TSGA10: variants seen among roughly 807,000 people sequenced by gnomAD.
TSGA10 encodes the protein testis specific 10, also known as testis-specific gene 10 protein.
TSGA10 carries 43 observed loss-of-function variants against 96.6 expected under a neutral mutation model. The ratio of observed to expected loss-of-function variants is 0.44; its 90% CI spans 0.35 to 0.57. TSGA10 has a LOEUF of 0.57. Among genes scored for constraint, TSGA10 ranks in the 20% least tolerant of loss-of-function variants. The pLI is 0.01. For missense variants in TSGA10, 703 were observed against 834.4 expected, an observed-to-expected ratio of 0.84 and a Z score of 1.94; for synonymous variants, 229 against 269.9, an observed-to-expected ratio of 0.85 and a Z score of 1.48.
At chr2:99,113,801 C>A (rs535148450) in intron 4 of TSGA10, among the ~76,000 whole-genome samples, 1 of 152,234 alleles carries the variant, frequency 6.6e-6, no homozygotes, top group East Asian at 1.9e-4. Flanking sequence ...CCTGCCTTGG[C>A]CTCCCAAAGT....
Position 99,065,143 on chromosome 2 carries a change from CTATTACTT to C in TSGA10, c.1219-27_1219-20del. The C allele has an allele frequency of 6.2e-7, 1 of 1,606,556 alleles. No individual in the cohort carries two copies. Among genetic ancestry groups the C allele is most frequent in the Non-Finnish European group, 8.5e-7 (1 of 1,177,604 alleles). ...CAGATTCCTGAAAAGCAAACTTTAG[CTATTACTT>C]TAAAATGCTGAACATATGATAAAAA... On this transcript the variant is annotated intron_variant, in intron 15 of 20. Coordinates refer to ENST00000393483, the MANE Select transcript of TSGA10 (RefSeq NM_025244.4).
At chr2:99,056,168 G>A (rs940249073) in intron 16 of TSGA10, among the ~76,000 whole-genome samples, 1 of 151,662 alleles carries the variant, frequency 6.6e-6, no homozygotes, top group Non-Finnish European at 1.5e-5. Context: ...TCACGCCACT[G>A]CACTCCAGCC....
chr2:99,135,985 G>A (rs1275060312), intron 1 of TSGA10, among the ~76,000 whole-genome samples: 2 of 144,152 alleles, frequency 1.4e-5, no homozygotes, highest in Non-Finnish European at 3.0e-5. Context: ...CTCCAGCCTG[G>A]GGGACAAGAG....
chr2:99,071,858 G>C lies in TSGA10; in HGVS notation c.955C>G (p.Leu319Val). The change falls in exon 14 of 21, where the codon CTA becomes GTA. Residue 319 changes from leucine to valine, a missense_variant. By Grantham distance (32) the Leu-to-Val change is conservative. Transcript: ENST00000393483. ...EQASRQCTEALIVCEQDVSRM... is the reference protein window; with the variant it reads ...EQASRQCTEAVIVCEQDVSRM... ...GAAACGTCTTGTTCACACACAATTAGGGCCTCAGTACACTGTCTATTCCAC... is the reference window on the plus strand; with the variant it reads ...GAAACGTCTTGTTCACACACAATTACGGCCTCAGTACACTGTCTATTCCAC... 1 of 1,613,656 alleles carries C rather than the reference G, an allele frequency of 6.2e-7. No individual in the cohort carries two copies. The highest frequency in any genetic ancestry group is 8.5e-7 in the Non-Finnish European group (1 of 1,179,780).
intron 10 of TSGA10, among the ~76,000 whole-genome samples, chr2:99,093,837 A>G (rs903432737): frequency 2.0e-5 from 3 of 152,076 alleles, no homozygotes; most frequent in African/African-American, 2.4e-5. Flanking sequence ...CAAAAGCAAT[A>G]TACAAATTCA....
intron 1 of TSGA10, among the ~76,000 whole-genome samples, chr2:99,134,079 G>A (rs868259379): frequency 3.3e-5 from 5 of 152,084 alleles, no homozygotes; most frequent in East Asian, 1.9e-4. Flanking sequence ...TGCTCTTCTC[G>A]AGGAGTATCT....
At chr2:99,009,151 T>C (rs1054571445) in intron 20 of TSGA10, among the ~76,000 whole-genome samples, 5 of 151,920 alleles carry the variant, frequency 3.3e-5, no homozygotes, top group African/African-American at 7.3e-5. Flanking sequence ...AGTGGAAATA[T>C]GAAAAATGAA....
chr2:99,009,571 CAAAAAAAAAAAAAA>C (rs765452742), intron 20 of TSGA10, among the ~76,000 whole-genome samples: 1 of 45,434 alleles, frequency 2.2e-5, no homozygotes, highest in Admixed American at 2.8e-4. Flanking sequence ...GACCCTGTCT[CAAAAAAAAAAAAAA>C]AAAAAAAAAA....
chr2:99,028,095 A>T (rs1207036218), intron 17 of TSGA10, among the ~76,000 whole-genome samples: 2 of 152,082 alleles, frequency 1.3e-5, no homozygotes, highest in African/African-American at 4.8e-5. Flanking sequence ...TCCCGCTAGG[A>T]TGCAATGGAT....
intron 16 of TSGA10, among the ~76,000 whole-genome samples, chr2:99,059,359 G>C (rs918479653): frequency 2.6e-5 from 4 of 151,948 alleles, no homozygotes; most frequent in Non-Finnish European, 5.9e-5. Flanking sequence ...CTTAGGCCAG[G>C]CATGGTGGCT....
rs146185153 is a variant in TSGA10, at chr2:99,002,419, A to G, written c.2073-4198T>C. 8.0e-3 allele frequency among the ~76,000 whole-genome samples: 1,214 copies of G among 152,346 alleles called. 20 individuals carry two copies. The highest frequency in any genetic ancestry group is 0.028 in the African/African-American group (1,147 of 41,572). On this transcript the variant is annotated intron_variant, in intron 20 of 20. Coordinates refer to ENST00000393483, the MANE Select transcript of TSGA10 (RefSeq NM_025244.4). ...AAGTGAAGGAGAAATAAAATACTTT[A>G]CAGACAAACAGATGCTGAGAGATGT...
chr2:99,006,515 A>G lies in TSGA10; in HGVS notation c.2073-8294T>C, dbSNP rs1361616477. Among the ~76,000 whole-genome samples, 3 of 152,254 alleles carry G rather than the reference A, an allele frequency of 2.0e-5. No homozygotes were observed. In the South Asian group the frequency reaches 6.2e-4, roughly 31 times the overall value. On this transcript the variant is annotated intron_variant, in intron 20 of 20. Coordinates refer to ENST00000393483, the MANE Select transcript of TSGA10 (RefSeq NM_025244.4). ...GAACAGATACTTCTCAAAAGAAGAC[A>G]TTTATGCAGCCAAAAGACACATGAA...
chr2:99,105,963 G>A (rs1171140782), intron 7 of TSGA10, among the ~76,000 whole-genome samples: 1 of 152,158 alleles, frequency 6.6e-6, no homozygotes, highest in Non-Finnish European at 1.5e-5. Context: ...GTTTTGCTAA[G>A]AAATATATTT....
intron 9 of TSGA10, among the ~76,000 whole-genome samples, chr2:99,104,834 T>C (rs115660594): frequency 2.7e-3 from 411 of 152,318 alleles, no homozygotes; most frequent in African/African-American, 9.4e-3. Context: ...ATAAATATAT[T>C]CAATTATATT....
chr2:99,138,942 G>C (rs1037763814), intron 1 of TSGA10, among the ~76,000 whole-genome samples: 6 of 152,112 alleles, frequency 3.9e-5, no homozygotes, highest in Non-Finnish European at 5.9e-5. Flanking sequence ...AAGATGTATT[G>C]CCCCGACACA....
intron 10 of TSGA10, among the ~76,000 whole-genome samples, chr2:99,099,164 T>C (rs2090424337): frequency 6.6e-6 from 1 of 151,962 alleles, no homozygotes; most frequent in African/African-American, 2.4e-5. Flanking sequence ...AATACAAAAT[T>C]AGCTGGGGGT....
intron 20 of TSGA10, among the ~76,000 whole-genome samples, chr2:99,017,572 C>T (rs916559174): frequency 6.6e-6 from 1 of 151,676 alleles, no homozygotes; most frequent in Middle Eastern, 3.4e-3. Context: ...GAGACCATCC[C>T]GGCTAAAACG....
chr2:99,141,617 A>C (rs1471610560), intron 1 of TSGA10: 2 of 152,708 alleles, frequency 1.3e-5, no homozygotes, highest in East Asian at 1.9e-4. Context: ...TCTCCTAGTA[A>C]CCAGCCGCTA....
intron 16 of TSGA10, among the ~76,000 whole-genome samples, chr2:99,058,054 T>G (rs1189076270): frequency 6.6e-6 from 1 of 152,068 alleles, no homozygotes; most frequent in Non-Finnish European, 1.5e-5. Context: ...GATGGACACA[T>G]GCAAAAGAAT....
Sources: allele counts gnomAD v4.1 joint callset (sites outside exome capture counted in the v4.1 genomes callset), GRCh38; gene constraint gnomAD v4.1.1; transcripts MANE v1.5; gene names NCBI Gene and HGNC (gene_info 2026-07-23, HGNC 2026-07-21).